MYH16: variants seen among roughly 807,000 people sequenced by gnomAD.
MYH16 encodes the protein myosin heavy chain 16, also known as putative uncharacterized protein MYH16.
chr7:99,257,608 G>T (rs1280309452), intron 10 of MYH16, among the ~76,000 whole-genome samples: 6 of 152,202 alleles, frequency 3.9e-5, no homozygotes, highest in African/African-American at 7.2e-5. Flanking sequence ...GTCAAGACAT[G>T]ATTTTGGCTT....
chr7:99,263,339 A>C (rs1791956723), exon 14 of MYH16: 1 of 153,842 alleles, frequency 6.5e-6, no homozygotes, highest in Non-Finnish European at 1.5e-5. Context: ...TCCAGGTGGG[A>C]TATAACATCA....
At chr7:99,277,494 C>A in intron 20 of MYH16, 45 bp from the exon 3 acceptor site, 1 of 437,890 alleles carries the variant, frequency 2.3e-6, no homozygotes, top group Non-Finnish European at 4.6e-6. Flanking sequence ...TACCCCCCAG[C>A]AAACCCCATT....
At chr7:99,296,714 C>G in exon 34 of MYH16, 1 of 455,858 alleles carries the variant, frequency 2.2e-6, no homozygotes, top group Non-Finnish European at 4.4e-6. Flanking sequence ...AATGCTGCAG[C>G]TGCTGCCCTG....
chr7:99,302,716 A>G (rs1792618927), intron 38 of MYH16, among the ~76,000 whole-genome samples: 2 of 151,982 alleles, frequency 1.3e-5, no homozygotes, highest in Admixed American at 1.3e-4. Context: ...CTCTGTCTCT[A>G]AAAACATATG....
chr7:99,261,270 G>A (rs1368904060), intron 12 of MYH16: 1 of 152,290 alleles, frequency 6.6e-6, no homozygotes, highest in Non-Finnish European at 1.5e-5. Context: ...TGGCCATGGT[G>A]TTTGATGACA....
At chr7:99,240,381 T>C (rs1388443335) in intron 1 of MYH16, among the ~76,000 whole-genome samples, 1 of 152,078 alleles carries the variant, frequency 6.6e-6, no homozygotes, top group Non-Finnish European at 1.5e-5. Flanking sequence ...CACTTTTCCA[T>C]TTAAGAAAAA....
At chr7:99,287,533 CAAAAAA>C (rs397889162) in intron 28 of MYH16, among the ~76,000 whole-genome samples, 6 of 46,878 alleles carry the variant, frequency 1.3e-4, no homozygotes, top group African/African-American at 4.0e-4. Context: ...AACTTCTTCT[CAAAAAA>C]AAAAAAAAAA....
intron 21 of MYH16, among the ~76,000 whole-genome samples, chr7:99,278,968 G>A (rs769124489): frequency 2.0e-5 from 3 of 152,196 alleles, no homozygotes; most frequent in Admixed American, 6.5e-5. Context: ...AAGGCAGGAG[G>A]AATGCTTGAG....
chr7:99,309,523 A>G (rs1412915648), downstream of MYH16, among the ~76,000 whole-genome samples: 2 of 152,190 alleles, frequency 1.3e-5, no homozygotes, highest in African/African-American at 4.8e-5. Flanking sequence ...AGGAAATCAG[A>G]AGCTTGTCTC....
At chr7:99,300,466 G>A (rs1792574426) in intron 37 of MYH16, among the ~76,000 whole-genome samples, 1 of 152,174 alleles carries the variant, frequency 6.6e-6, no homozygotes, top group South Asian at 2.1e-4. Flanking sequence ...CTTGCTAACT[G>A]GAGATGTGCC....
At chr7:99,289,092 T>A (rs1225548018) in intron 29 of MYH16, among the ~76,000 whole-genome samples, 195 bp from the exon 11 acceptor site, 2 of 144,380 alleles carry the variant, frequency 1.4e-5, no homozygotes, top group African/African-American at 5.3e-5. Flanking sequence ...CCAGCCGGGG[T>A]GATGGAGTGA....
At chr7:99,275,887 C>T (rs1447743494) in intron 20 of MYH16, among the ~76,000 whole-genome samples, 2 of 152,182 alleles carry the variant, frequency 1.3e-5, no homozygotes, top group African/African-American at 2.4e-5. Context: ...CCTGCCACCA[C>T]GCCTAATTTT....
chr7:99,294,500 CAA>C (rs1159682450), intron 33 of MYH16, among the ~76,000 whole-genome samples: 377 of 25,504 alleles, frequency 0.015, no homozygotes, highest in African/African-American at 0.038. Context: ...GACCCTGTCT[CAA>C]AAAAAAAAAA....
exon 39 of MYH16, chr7:99,303,124 C>T (rs775289758): frequency 1.3e-5 from 2 of 152,732 alleles, no homozygotes; most frequent in African/African-American, 4.8e-5. Context: ...GCATCTCCAA[C>T]GAGCATGAGG....
chr7:99,246,019 C>T (rs1437946652), intron 2 of MYH16, among the ~76,000 whole-genome samples: 2 of 151,558 alleles, frequency 1.3e-5, no homozygotes, highest in East Asian at 4.0e-4. Context: ...CTGAGCAACA[C>T]GGCAAGACTC....
At chr7:99,272,742 G>A (rs1413587955) in intron 19 of MYH16, among the ~76,000 whole-genome samples, 97 bp from the exon 1 acceptor site, 2 of 150,374 alleles carry the variant, frequency 1.3e-5, no homozygotes, top group Non-Finnish European at 3.0e-5. Flanking sequence ...GTGAGACCCT[G>A]TCTCAAAAAA....
intron 35 of MYH16, 38 bp from the exon 17 acceptor site, chr7:99,297,851 ATCT>A (rs1391118567): frequency 1.3e-5 from 6 of 456,612 alleles, no homozygotes; most frequent in Admixed American, 2.3e-5. Flanking sequence ...GGCACTGCAC[ATCT>A]TCTTGGCCAG....
intron 37 of MYH16, among the ~76,000 whole-genome samples, chr7:99,300,733 G>C (rs1334719480): frequency 6.6e-6 from 1 of 152,074 alleles, no homozygotes; most frequent in Non-Finnish European, 1.5e-5. Flanking sequence ...TTGAGCCCAG[G>C]AGTTGGAGAT....
At chr7:99,280,905 G>A (rs1399958925) in exon 23 of MYH16, 3 of 419,536 alleles carry the variant, frequency 7.2e-6, no homozygotes, top group African/African-American at 2.1e-5. Context: ...GTACCCTGAC[G>A]GGGGACCTCT....
Sources: gnomAD v4.1 joint callset for allele counts (sites outside exome capture counted in the v4.1 genomes callset) on GRCh38, gnomAD v4.1.1 for gene constraint, MANE v1.5 for transcripts, NCBI Gene and HGNC (gene_info 2026-07-23, HGNC 2026-07-21) for gene names.